The following RYR2 variants were observed in gnomAD, a reference collection of about 807,000 sequenced individuals.
RYR2 encodes the protein cardiac muscle ryanodine receptor-calcium release channel.
In RYR2, 227 loss-of-function variants were observed where a neutral mutation model predicts 601.1. That is an observed-to-expected ratio of 0.38 (90% CI 0.34 to 0.42). RYR2 has a LOEUF of 0.42. RYR2 is among the 10% of genes least tolerant of loss of function. The pLI is 1.00. For missense variants in RYR2, 4,646 were observed against 6,156.5 expected (o/e 0.75, Z 8.21); for synonymous variants, 2,223 against 2,175.1 (o/e 1.02, Z -0.61).
At chr1:237,056,032 T>G (rs1182288204) in intron 1 of RYR2, among the ~76,000 whole-genome samples, 1 of 150,624 alleles carries the variant, frequency 6.6e-6, no homozygotes, top group African/African-American at 2.5e-5. Context: ...ACTGGAGCAC[T>G]GCACCTGTGA....
chr1:237,626,714 C>T (rs1043258429), intron 40 of RYR2, among the ~76,000 whole-genome samples: 6 of 145,362 alleles, frequency 4.1e-5, no homozygotes, highest in African/African-American at 1.5e-4. Context: ...GCTGGAATTA[C>T]AGGCATGCAC....
intron 2 of RYR2, among the ~76,000 whole-genome samples, chr1:237,313,237 G>A (rs1388851406): frequency 2.0e-5 from 3 of 150,552 alleles, no homozygotes; most frequent in Admixed American, 1.3e-4. Context: ...GTATGTCGTA[G>A]GCTGAATTAT....
At chr1:237,375,765 T>A (rs1489008063) in intron 7 of RYR2, among the ~76,000 whole-genome samples, 1 of 152,204 alleles carries the variant, frequency 6.6e-6, no homozygotes, top group African/African-American at 2.4e-5. Flanking sequence ...AGTTTTTTAG[T>A]TTTCTTATTC....
chr1:237,612,564 C>T (rs991175889), intron 36 of RYR2, among the ~76,000 whole-genome samples: 2 of 151,870 alleles, frequency 1.3e-5, no homozygotes, highest in Non-Finnish European at 2.9e-5. Context: ...TCATAATGTA[C>T]TCTTGAGATG....
chr1:237,511,753 G>A lies in RYR2; in HGVS notation c.2784G>A (p.Glu928=), dbSNP rs1183256756. ...AGTTCTCCAAGCTGCCTGAACAGGA[G>A]CGCAATTACAACTTACAAATGTCGC... ...LVEFSKLPEQ[E]RNYNLQMSLE... is the part of the protein sequence containing the mutation. The change falls in exon 24 of 105, where the codon GAG becomes GAA. Residue 928 remains glutamate (E), a synonymous_variant. Coordinates refer to ENST00000366574, the MANE Select transcript of RYR2 (RefSeq NM_001035.3). 5 of 1,555,990 alleles carry A rather than the reference G, an allele frequency of 3.2e-6. No homozygotes were observed. The Admixed American group carries it at 7.4e-5, about 23-fold the overall frequency.
chr1:237,804,668 A>C (rs2149431611), intron 98 of RYR2, among the ~76,000 whole-genome samples: 1 of 152,180 alleles, frequency 6.6e-6, no homozygotes, highest in East Asian at 1.9e-4. Context: ...CAACAGTACC[A>C]ATAGTATTAT....
chr1:237,621,443 A>T (rs1679066284), intron 38 of RYR2, among the ~76,000 whole-genome samples: 1 of 152,202 alleles, frequency 6.6e-6, no homozygotes, highest in Non-Finnish European at 1.5e-5. Context: ...AAAACAGGAC[A>T]ATAGAAAAAA....
intron 10 of RYR2, among the ~76,000 whole-genome samples, chr1:237,416,315 A>G (rs1704975990): frequency 6.6e-6 from 1 of 152,202 alleles, no homozygotes. Flanking sequence ...GTTAACACTC[A>G]GGAAAGAAAG....
intron 55 of RYR2, among the ~76,000 whole-genome samples, chr1:237,660,452 G>T (rs619137): frequency 3.9e-5 from 6 of 152,188 alleles, no homozygotes; most frequent in African/African-American, 1.4e-4. Context: ...CTTTGGGAAA[G>T]AAATGAGTAT....
At position 237,396,333 on chromosome 1, in the gene RYR2, G is replaced by A. The variant is rs1338132772; in HGVS notation, c.773+8150G>A. 2.6e-5 allele frequency among the ~76,000 whole-genome samples: 4 copies of A among 152,232 alleles called. No individual in the cohort carries two copies. The East Asian group carries it at 5.8e-4, about 22-fold the overall frequency. ...ATTTCAAGTGAGTAACTCTACATAC[G>A]GGAAGAGTCTCTGGACCAATAGAAT... On this transcript the variant is annotated intron_variant, in intron 10 of 104. Coordinates refer to ENST00000366574, the MANE Select transcript of RYR2 (RefSeq NM_001035.3).
intron 1 of RYR2, among the ~76,000 whole-genome samples, chr1:237,101,000 AGCTGAC>A (rs138371248): frequency 0.013 from 1,932 of 152,028 alleles, 31 homozygotes; most frequent in African/African-American, 0.044. Context: ...TCACTTCCTA[AGCTGAC>A]AGACGTGTCT....
At chr1:237,390,903 C>T (rs1038427074) in intron 10 of RYR2, among the ~76,000 whole-genome samples, 7 of 152,002 alleles carry the variant, frequency 4.6e-5, no homozygotes, top group Non-Finnish European at 7.4e-5. Context: ...TTGTTTGTGT[C>T]CCTTTTTATA....
At position 237,503,302 on chromosome 1, in the gene RYR2, C is replaced by T. The variant is rs577451406; in HGVS notation, c.2410C>T (p.Leu804Phe). 38 of 1,608,686 alleles carry T rather than the reference C, an allele frequency of 2.4e-5. 1 individual carries two copies. In the East Asian group the frequency reaches 8.3e-4, roughly 35 times the overall value. ...CATCCTCTTTAGAGTACGCTTTCTGCTTGGAGGGCGACATGGAGAATTCAA... is the reference window on the plus strand; with the variant it reads ...CATCCTCTTTAGAGTACGCTTTCTGTTTGGAGGGCGACATGGAGAATTCAA... ...FSAGIKVRFL[L>F]GGRHGEFKFL... The change falls in exon 22 of 105, where the codon CTT becomes TTT. Residue 804 changes from leucine to phenylalanine, a missense_variant. Leu to Phe is a conservative substitution (Grantham distance 22). Coordinates refer to ENST00000366574, the MANE Select transcript of RYR2 (RefSeq NM_001035.3).
intron 17 of RYR2, among the ~76,000 whole-genome samples, chr1:237,471,640 G>GA (rs1169882847): frequency 2.6e-5 from 4 of 151,466 alleles, no homozygotes; most frequent in Non-Finnish European, 5.9e-5. Flanking sequence ...AACAGAGAGA[G>GA]AAAAGACATG....
intron 1 of RYR2, among the ~76,000 whole-genome samples, chr1:237,136,536 G>T (rs1342508926): frequency 6.6e-6 from 1 of 152,182 alleles, no homozygotes; most frequent in African/African-American, 2.4e-5. Flanking sequence ...ACTCAGACAG[G>T]CCTCCTGTCT....
At chr1:237,727,223 A>C (rs1332952126) in intron 76 of RYR2, 24 bp downstream of exon 76, 2 of 1,154,918 alleles carry the variant, frequency 1.7e-6, no homozygotes, top group South Asian at 1.6e-5. Context: ...TATTTTTTGT[A>C]ATAGATCAAT....
chr1:237,227,943 A>G (rs1010448172), intron 1 of RYR2, among the ~76,000 whole-genome samples: 4 of 151,274 alleles, frequency 2.6e-5, no homozygotes, highest in Non-Finnish European at 5.9e-5. Context: ...AATGTGCTGT[A>G]AGAACTTAAC....
At chr1:237,088,706 G>A (rs904369583) in intron 1 of RYR2, among the ~76,000 whole-genome samples, 6 of 152,144 alleles carry the variant, frequency 3.9e-5, no homozygotes, top group Non-Finnish European at 7.3e-5. Flanking sequence ...TATTCGAGGG[G>A]TAATGTTAAG....
At chr1:237,603,011 C>T (rs17638846) in intron 35 of RYR2, among the ~76,000 whole-genome samples, 2,418 of 152,188 alleles carry the variant, frequency 0.016, 20 homozygotes, top group Non-Finnish European at 0.024. Flanking sequence ...AATGAATACG[C>T]GAAGGCCCGT....
Sources: gnomAD v4.1 joint callset for allele counts (sites outside exome capture counted in the v4.1 genomes callset) on GRCh38, gnomAD v4.1.1 for gene constraint, MANE v1.5 for transcripts, NCBI Gene and HGNC (gene_info 2026-07-23, HGNC 2026-07-21) for gene names.